MYRIP: variants seen among roughly 807,000 people sequenced by gnomAD.
MYRIP encodes the protein rab effector MyRIP.
In MYRIP, 49 loss-of-function variants were observed where a neutral mutation model predicts 98.0. The ratio of observed to expected loss-of-function variants is 0.50; its 90% CI spans 0.40 to 0.63. MYRIP has a LOEUF of 0.63. Among genes scored for constraint, MYRIP ranks in the 30% least tolerant of loss-of-function variants. The probability of loss-of-function intolerance (pLI) is 0.00; values close to 1 mark genes in which losing one functional copy is unlikely to be tolerated. For missense variants in MYRIP, 1,004 were observed against 1,058.2 expected (o/e 0.95, Z 0.71); for synonymous variants, 404 against 409.5 (o/e 0.99, Z 0.16).
At chr3:40,126,963 T>C (rs764241727) in intron 3 of MYRIP, among the ~76,000 whole-genome samples, 3 of 152,152 alleles carry the variant, frequency 2.0e-5, no homozygotes, top group Non-Finnish European at 4.4e-5. Flanking sequence ...CACACTGTCA[T>C]TGAGGGAAAC....
chr3:39,935,726 G>A lies in MYRIP; in HGVS notation c.110+34800G>A, dbSNP rs77452256. On this transcript the variant is annotated intron_variant, in intron 2 of 16. Coordinates refer to ENST00000302541, the MANE Select transcript of MYRIP (RefSeq NM_015460.4). Reference sequence around the variant, plus strand: ...TGTTACTGGTTTAAAGGAATTCACTGATGTCAAGGACAAGCAGGAACAGGA... The same window carrying A: ...TGTTACTGGTTTAAAGGAATTCACTAATGTCAAGGACAAGCAGGAACAGGA... 9.2e-3 allele frequency among the ~76,000 whole-genome samples: 1,397 copies of A among 152,208 alleles called. 15 individuals carry two copies. The highest frequency in any genetic ancestry group is 0.032 in the African/African-American group (1,325 of 41,514).
intron 11 of MYRIP, among the ~76,000 whole-genome samples, chr3:40,222,726 A>G (rs1347174147): frequency 1.3e-5 from 2 of 152,334 alleles, no homozygotes; most frequent in Admixed American, 6.5e-5. Flanking sequence ...CCCAGGCAGC[A>G]CTGAAAGCAT....
chr3:39,818,943 G>A (rs1941014294), intron 1 of MYRIP, among the ~76,000 whole-genome samples: 1 of 152,168 alleles, frequency 6.6e-6, no homozygotes, highest in Admixed American at 6.5e-5. Context: ...ATATTTTTGT[G>A]TATATATAAA....
At chr3:40,204,021 TA>T (rs1414618599) in intron 10 of MYRIP, among the ~76,000 whole-genome samples, 2 of 6,328 alleles carry the variant, frequency 3.2e-4, no homozygotes, top group Admixed American at 3.7e-3. Flanking sequence ...ATATAATATA[TA>T]TTATATATAT....
At chr3:39,974,091 A>G in intron 2 of MYRIP, among the ~76,000 whole-genome samples, 1 of 81,362 alleles carries the variant, frequency 1.2e-5, no homozygotes, top group South Asian at 3.1e-4. Flanking sequence ...AAACCCTATA[A>G]AAAAATCAAT....
chr3:40,049,371 A>G (rs974725177), intron 3 of MYRIP, among the ~76,000 whole-genome samples: 6 of 152,108 alleles, frequency 3.9e-5, no homozygotes, highest in Admixed American at 3.9e-4. Context: ...TCCATTATAT[A>G]TCAAACTTTC....
intron 1 of MYRIP, among the ~76,000 whole-genome samples, chr3:39,851,352 G>T (rs974156863): frequency 1.3e-5 from 2 of 152,184 alleles, no homozygotes; most frequent in Non-Finnish European, 2.9e-5. Context: ...TCTCCTGGGA[G>T]ACACTATAGT....
intron 1 of MYRIP, among the ~76,000 whole-genome samples, chr3:39,837,483 C>G (rs914028284): frequency 6.6e-6 from 1 of 152,108 alleles, no homozygotes; most frequent in East Asian, 1.9e-4. Context: ...ATCCTTTCCC[C>G]ATTGCTTGTT....
chr3:40,148,082 A>T (rs1950045915), intron 3 of MYRIP, among the ~76,000 whole-genome samples: 1 of 152,190 alleles, frequency 6.6e-6, no homozygotes, highest in Non-Finnish European at 1.5e-5. Context: ...CATGCCATTT[A>T]TTCTTAGAAA....
intron 11 of MYRIP, among the ~76,000 whole-genome samples, chr3:40,226,075 C>A (rs952583802): frequency 1.3e-5 from 2 of 152,068 alleles, no homozygotes; most frequent in Non-Finnish European, 2.9e-5. Flanking sequence ...TTATGAAGAT[C>A]GTATGTAGCC....
chr3:40,163,561 G>A (rs1459117364), intron 5 of MYRIP, among the ~76,000 whole-genome samples: 1 of 152,158 alleles, frequency 6.6e-6, no homozygotes, highest in Non-Finnish European at 1.5e-5. Context: ...AGAACAAAAA[G>A]GCAGAGGAAG....
chr3:39,975,810 A>C (rs1284303024), intron 2 of MYRIP, among the ~76,000 whole-genome samples: 1 of 152,206 alleles, frequency 6.6e-6, no homozygotes. Context: ...AGGATTCCCT[A>C]TTTAATAAAT....
chr3:40,161,987 T>A lies in MYRIP; in HGVS notation c.470-743T>A, dbSNP rs537540191. On this transcript the variant is annotated intron_variant, in intron 4 of 16. Coordinates refer to ENST00000302541, the MANE Select transcript of MYRIP (RefSeq NM_015460.4). ...GAGCTGCTTTTCCTCTCTGCAGCCC[T>A]GCCACGCTGCCTCTCATTTAGGCCT... Among the ~76,000 whole-genome samples the A allele has an allele frequency of 2.1e-4, 32 of 152,278 alleles. No individual in the cohort carries two copies. The East Asian group carries it at 6.2e-3, about 29-fold the overall frequency.
intron 2 of MYRIP, among the ~76,000 whole-genome samples, chr3:40,033,261 G>T (rs75685485): frequency 0.33 from 45,135 of 137,242 alleles, 7,695 homozygotes; most frequent in Middle Eastern, 0.38. Context: ...ATTCAATTAG[G>T]AAAAGAGGAA....
chr3:40,215,960 T>C (rs1467212627), intron 11 of MYRIP, among the ~76,000 whole-genome samples: 4 of 152,370 alleles, frequency 2.6e-5, no homozygotes, highest in South Asian at 2.1e-4. Context: ...GGAGGTTTTA[T>C]TTCATTCATG....
At chr3:40,009,428 G>A (rs1264149347) in intron 2 of MYRIP, among the ~76,000 whole-genome samples, 1 of 152,052 alleles carries the variant, frequency 6.6e-6, no homozygotes, top group East Asian at 1.9e-4. Context: ...AGTGGAGACG[G>A]GGTTTCACTG....
chr3:40,244,361 C>T (rs908063671), intron 12 of MYRIP, 85 bp from the exon 13 acceptor site: 42 of 1,265,530 alleles, frequency 3.3e-5, no homozygotes, highest in Middle Eastern at 2.0e-4. Flanking sequence ...ATCTCACTCC[C>T]CTGAATTGCT....
chr3:39,931,760 A>C (rs570944914), intron 2 of MYRIP, among the ~76,000 whole-genome samples: 1 of 152,312 alleles, frequency 6.6e-6, no homozygotes, highest in African/African-American at 2.4e-5. Flanking sequence ...ATCTATTGAC[A>C]TGACCATATG....
At chr3:40,171,906 A>C (rs1950625253) in intron 8 of MYRIP, among the ~76,000 whole-genome samples, 1 of 152,250 alleles carries the variant, frequency 6.6e-6, no homozygotes, top group Non-Finnish European at 1.5e-5. Flanking sequence ...TGGGGAGGCC[A>C]CACAATCATG....
Sources: allele counts gnomAD v4.1 joint callset (sites outside exome capture counted in the v4.1 genomes callset), GRCh38; gene constraint gnomAD v4.1.1; transcripts MANE v1.5; gene names NCBI Gene and HGNC (gene_info 2026-07-23, HGNC 2026-07-21).